Variants in PTPRT observed in about 807,000 individuals in gnomAD.
PTPRT encodes receptor-type tyrosine-protein phosphatase T.
Under a neutral mutation model 176.8 loss-of-function variants are expected in PTPRT, and 56 were observed. The ratio of observed to expected loss-of-function variants is 0.32; its 90% CI spans 0.26 to 0.40. PTPRT has a LOEUF of 0.40. Among genes scored for constraint, PTPRT ranks in the 10% least tolerant of loss-of-function variants. PTPRT has a pLI of 1.00. For missense variants in PTPRT, 1,540 were observed against 1,908.2 expected, an observed-to-expected ratio of 0.81 and a Z score of 3.60; for synonymous variants, 783 against 739.0, an observed-to-expected ratio of 1.06 and a Z score of -0.96.
At chr20:42,157,035 T>A (rs895823096) in intron 17 of PTPRT, among the ~76,000 whole-genome samples, 1 of 152,148 alleles carries the variant, frequency 6.6e-6, no homozygotes, top group Admixed American at 6.5e-5. Flanking sequence ...AGGTCCCTCT[T>A]TATTTCTCCA....
intron 1 of PTPRT, among the ~76,000 whole-genome samples, chr20:43,023,655 G>C (rs954071989): frequency 3.3e-5 from 5 of 152,192 alleles, no homozygotes; most frequent in Non-Finnish European, 7.3e-5. Context: ...AGAGCTGCCT[G>C]AGCAAGGGCC....
intron 3 of PTPRT, among the ~76,000 whole-genome samples, chr20:42,785,788 G>A (rs578063092): frequency 6.6e-6 from 1 of 152,236 alleles, no homozygotes; most frequent in Admixed American, 6.5e-5. Context: ...TTTTAAAAAG[G>A]CTTCCTTCCT....
intron 6 of PTPRT, among the ~76,000 whole-genome samples, chr20:42,719,027 G>A (rs1471293646): frequency 6.6e-6 from 1 of 152,202 alleles, no homozygotes; most frequent in Admixed American, 6.5e-5. Flanking sequence ...GGCGAGGACT[G>A]AGGAAAAGGC....
intron 1 of PTPRT, among the ~76,000 whole-genome samples, chr20:42,904,303 G>A (rs989942287): frequency 2.0e-5 from 3 of 152,166 alleles, no homozygotes; most frequent in African/African-American, 7.2e-5. Context: ...TAACGAAGCT[G>A]CAACTTGCTA....
At chr20:42,486,432 TTTTCTATCTC>T (rs1336708395) in intron 7 of PTPRT, among the ~76,000 whole-genome samples, 1 of 152,216 alleles carries the variant, frequency 6.6e-6, no homozygotes, top group African/African-American at 2.4e-5. Flanking sequence ...TGTTTTCACA[TTTTCTATCTC>T]TTGCACATTA....
chr20:42,570,020 A>G (rs961913076), intron 7 of PTPRT, among the ~76,000 whole-genome samples: 1 of 152,182 alleles, frequency 6.6e-6, no homozygotes, highest in Non-Finnish European at 1.5e-5. Flanking sequence ...GAAAGAATGA[A>G]GCTAGTATAT....
At chr20:42,528,177 C>T (rs1355096760) in intron 7 of PTPRT, among the ~76,000 whole-genome samples, 1 of 152,104 alleles carries the variant, frequency 6.6e-6, no homozygotes, top group African/African-American at 2.4e-5. Context: ...GTTCCTTCTG[C>T]CTAGAAGATC....
chr20:42,322,701 C>T (rs1230858976), intron 11 of PTPRT, among the ~76,000 whole-genome samples: 1 of 151,858 alleles, frequency 6.6e-6, no homozygotes, highest in Admixed American at 6.6e-5. Flanking sequence ...TAGGCATGGG[C>T]AAGGACTTCA....
At chr20:42,133,997 T>C (rs17221179) in intron 18 of PTPRT, among the ~76,000 whole-genome samples, 7,852 of 152,286 alleles carry the variant, frequency 0.052, 279 homozygotes, top group Non-Finnish European at 0.077. Flanking sequence ...TACAGATCCA[T>C]CTATCTGCAG....
At chr20:42,956,488 T>C (rs1981646437) in intron 1 of PTPRT, among the ~76,000 whole-genome samples, 1 of 152,148 alleles carries the variant, frequency 6.6e-6, no homozygotes. Context: ...CCTTCTGCCT[T>C]GATTGTAAGC....
chr20:43,148,526 T>C (rs1424052560), intron 1 of PTPRT, among the ~76,000 whole-genome samples: 1 of 152,210 alleles, frequency 6.6e-6, no homozygotes, highest in Non-Finnish European at 1.5e-5. Context: ...GCTCTGTGAA[T>C]ACCTGATGAA....
intron 7 of PTPRT, among the ~76,000 whole-genome samples, chr20:42,542,690 C>A (rs1171826625): frequency 1.3e-5 from 2 of 152,170 alleles, no homozygotes; most frequent in Non-Finnish European, 2.9e-5. Flanking sequence ...AATATACTCA[C>A]ACATGCATGA....
At chr20:43,067,221 CA>C (rs371055595) in intron 1 of PTPRT, among the ~76,000 whole-genome samples, 25 of 152,152 alleles carry the variant, frequency 1.6e-4, no homozygotes, top group African/African-American at 5.5e-4. Context: ...GCCAGACACA[CA>C]AAAATCACAT....
At chr20:42,787,437 T>C (rs1257754371) in intron 3 of PTPRT, among the ~76,000 whole-genome samples, 1 of 152,178 alleles carries the variant, frequency 6.6e-6, no homozygotes, top group Non-Finnish European at 1.5e-5. Context: ...CACCAATAAA[T>C]GGATTTCTTT....
Position 42,899,986 on chromosome 20 carries a change from C to A in PTPRT, c.89-14054G>T, listed in dbSNP as rs530228550. Among the ~76,000 whole-genome samples the A allele has an allele frequency of 3.3e-4, 51 of 152,326 alleles. 2 individuals carry two copies. The South Asian group carries it at 0.011, about 32-fold the overall frequency. ...TTTCCATGGATTACCTCATTCAATCCTCAAAAGAGCCCCATGAGTTAGGTA... is the reference window on the plus strand; with the variant it reads ...TTTCCATGGATTACCTCATTCAATCATCAAAAGAGCCCCATGAGTTAGGTA... On this transcript the variant is annotated intron_variant, in intron 1 of 30. Transcript: ENST00000373187.
the PTPRT span, among the ~76,000 whole-genome samples, chr20:42,048,122 G>A: frequency 3.3e-5 from 5 of 152,284 alleles, no homozygotes; most frequent in South Asian, 4.2e-4. Flanking sequence ...CAGCTCAGGG[G>A]CTAGTCACAC....
At chr20:42,512,478 T>C (rs1365739761) in intron 7 of PTPRT, among the ~76,000 whole-genome samples, 1 of 152,232 alleles carries the variant, frequency 6.6e-6, no homozygotes, top group Non-Finnish European at 1.5e-5. Flanking sequence ...CCCATTTTAA[T>C]TGCTGAGTAA....
Position 42,077,614 on chromosome 20 carries a change from C to T in PTPRT, c.*3265G>A, listed in dbSNP as rs1239283688. 2 of 219,384 alleles carry T rather than the reference C, an allele frequency of 9.1e-6. No individual in the cohort carries two copies. The highest frequency in any genetic ancestry group is 6.6e-5 in the East Asian group (1 of 15,150). 13.6% of individuals were successfully genotyped at this position (219,384 alleles called of 1,614,324 possible). ...CTGGGCACTGGTGCCCCATCTCATC[C>T]AAGCCTTGCCACATCCTTGTCCCAT... On this transcript the variant is annotated 3_prime_UTR_variant, in exon 31 of 31. Coordinates refer to ENST00000373187, the MANE Select transcript of PTPRT (RefSeq NM_007050.6).
At position 42,768,644 on chromosome 20, in the gene PTPRT, G is replaced by A. The variant is rs534855291; in HGVS notation, c.684+2791C>T. 5.5e-4 allele frequency among the ~76,000 whole-genome samples: 84 copies of A among 152,242 alleles called. 2 individuals are homozygous for A. Among genetic ancestry groups the A allele is most frequent in the South Asian group, 2.1e-4 (1 of 4,816 alleles). On this transcript the variant is annotated intron_variant, in intron 5 of 30. Transcript: ENST00000373187. ...CAGTTAGTAACGTGTGCAGAAATGC[G>A]GTTTTCGCATTATTACCAGCTCTGT... is the stretch of plus-strand genomic sequence containing the variant.
Sources: allele counts gnomAD v4.1 joint callset (sites outside exome capture counted in the v4.1 genomes callset), GRCh38; gene constraint gnomAD v4.1.1; transcripts MANE v1.5; gene names NCBI Gene and HGNC (gene_info 2026-07-23, HGNC 2026-07-21).